Variants in GRIN1 observed in about 807,000 individuals in gnomAD.
GRIN1 encodes glutamate ionotropic receptor NMDA type subunit 1.
A neutral mutation model predicts 103.0 loss-of-function variants in GRIN1; 38 were observed. The ratio of observed to expected loss-of-function variants is 0.37; its 90% CI spans 0.28 to 0.48. The LOEUF is 0.48. Among genes scored for constraint, GRIN1 ranks in the 20% least tolerant of loss-of-function variants. GRIN1 has a pLI of 0.98. For missense variants in GRIN1, 577 were observed against 1,288.9 expected, an observed-to-expected ratio of 0.45 and a Z score of 8.46; for synonymous variants, 544 against 532.7, an observed-to-expected ratio of 1.02 and a Z score of -0.29.
chr9:137,159,454 G>A (rs1833410847), intron 8 of GRIN1, among the ~76,000 whole-genome samples: 1 of 152,178 alleles, frequency 6.6e-6, no homozygotes, highest in East Asian at 1.9e-4. Context: ...TCTCACCCAG[G>A]CTCCCTCCCC....
At chr9:137,164,165 T>C in intron 18 of GRIN1, 1 of 538,912 alleles carries the variant, frequency 1.9e-6, no homozygotes, top group Middle Eastern at 5.1e-4. Flanking sequence ...GGCCCCTCTG[T>C]CTCCAGAGTC....
At chr9:137,151,359 G>A (rs1372858044) in intron 4 of GRIN1, among the ~76,000 whole-genome samples, 1 of 131,280 alleles carries the variant, frequency 7.6e-6, no homozygotes, top group African/African-American at 2.9e-5. Context: ...GCCCCGCCCA[G>A]AAAAAAAGCC....
Position 137,161,917 on chromosome 9 carries a change from C to G in GRIN1, c.1468-7C>G, listed in dbSNP as rs202036974. 1 of 1,554,622 alleles carries G rather than the reference C, an allele frequency of 6.4e-7. No individual in the cohort carries two copies. The highest frequency in any genetic ancestry group is 1.9e-5 in the Admixed American group (1 of 51,734). On this transcript the variant is annotated splice_polypyrimidine_tract_variant and splice_region_variant and intron_variant, in intron 10 of 19. Transcript: ENST00000371561. ...CCTGCATGCCCGCCGGCTCTGTCGCCTCGCAGGTGAACAACAGCAACAAGA... is the reference window on the plus strand; with the variant it reads ...CCTGCATGCCCGCCGGCTCTGTCGCGTCGCAGGTGAACAACAGCAACAAGA...
intron 1 of GRIN1, among the ~76,000 whole-genome samples, chr9:137,140,327 G>A (rs1039240147): frequency 3.9e-5 from 6 of 152,192 alleles, no homozygotes. Flanking sequence ...GTGGCTCCTG[G>A]GATTTTGCCT....
rs780815757 is a variant in GRIN1 at position 137,161,039 on chromosome 9, C to T, written c.1198-17C>T. The T allele has an allele frequency of 1.2e-6, 2 of 1,612,482 alleles. No individual in the cohort carries two copies. Among genetic ancestry groups the T allele is most frequent in the Non-Finnish European group, 1.7e-6 (2 of 1,179,744 alleles). On this transcript the variant is annotated splice_polypyrimidine_tract_variant and intron_variant, in intron 8 of 19. Coordinates refer to ENST00000371561, the MANE Select transcript of GRIN1 (RefSeq NM_007327.4). The stretch of plus-strand genomic sequence containing the variant: ...CTTAGGTCGGTGGTCCAGGCTGGGT[C>T]TCCCCTTCCCCCCCAGATTGTGACG...
chr9:137,144,475 A>G (rs1029448262), intron 2 of GRIN1, among the ~76,000 whole-genome samples: 45 of 151,918 alleles, frequency 3.0e-4, no homozygotes, highest in Admixed American at 4.6e-4. Flanking sequence ...TAATACGGTG[A>G]AACCCCATCT....
At chr9:137,140,036 T>C (rs1588683104) in intron 1 of GRIN1, among the ~76,000 whole-genome samples, 1 of 152,054 alleles carries the variant, frequency 6.6e-6, no homozygotes, top group Non-Finnish European at 1.5e-5. Flanking sequence ...AGTGTGTCAG[T>C]GTGGGGGTGG....
chr9:137,144,525 G>A (rs770871335), intron 2 of GRIN1, among the ~76,000 whole-genome samples: 11 of 152,038 alleles, frequency 7.2e-5, no homozygotes, highest in African/African-American at 2.4e-4. Context: ...CGTGGTGGCG[G>A]GCGCCTGTAG....
intron 1 of GRIN1, among the ~76,000 whole-genome samples, chr9:137,141,639 G>T (rs1465207768): frequency 6.6e-6 from 1 of 152,122 alleles, no homozygotes; most frequent in Non-Finnish European, 1.5e-5. Flanking sequence ...CATCAGGAAG[G>T]ACGGGTGGGT....
In GRIN1 at chr9:137,156,656, G is replaced by A. The variant is rs1564357201; in HGVS notation, c.672-13G>A. On this transcript the variant is annotated splice_polypyrimidine_tract_variant and intron_variant, in intron 4 of 19. Coordinates refer to ENST00000371561, the MANE Select transcript of GRIN1 (RefSeq NM_007327.4). ...GCTGGAGTCCTGGCCCGTCATCCCC[G>A]TCTGCCCCACAGCGAGGACGATGCT... 1 of 1,599,418 alleles carries A rather than the reference G, an allele frequency of 6.3e-7. No homozygotes were observed.
intron 4 of GRIN1, among the ~76,000 whole-genome samples, chr9:137,155,142 A>C (rs1012008926): frequency 6.6e-5 from 10 of 152,238 alleles, no homozygotes; most frequent in African/African-American, 2.4e-4. Flanking sequence ...GTTTTGATGG[A>C]CAGATCAGGC....
chr9:137,150,990 C>T (rs1832848096), intron 4 of GRIN1, among the ~76,000 whole-genome samples: 1 of 147,332 alleles, frequency 6.8e-6, no homozygotes, highest in South Asian at 2.2e-4. Context: ...GAGAAAAGAC[C>T]CGCCCAGGGA....
chr9:137,141,415 G>C (rs1832155147), intron 1 of GRIN1, among the ~76,000 whole-genome samples: 1 of 152,198 alleles, frequency 6.6e-6, no homozygotes, highest in African/African-American at 2.4e-5. Flanking sequence ...CACCCCCAAT[G>C]CCTCCCTTCC....
chr9:137,146,947 G>T lies in GRIN1; in HGVS notation c.570+1045G>T, dbSNP rs148447372. Reference sequence around the variant, plus strand: ...TCGTGGGGGGTCTGCTGAGTCTTGGGGGGGAGGGGCATGGGCACCAAGGGC... The same window carrying T: ...TCGTGGGGGGTCTGCTGAGTCTTGGTGGGGAGGGGCATGGGCACCAAGGGC... On this transcript the variant is annotated intron_variant, in intron 3 of 19. Coordinates refer to ENST00000371561, the MANE Select transcript of GRIN1 (RefSeq NM_007327.4). The surrounding 1 kb of genome is among the most constrained non-coding windows in gnomAD (Gnocchi z 6.7). 0.023 allele frequency among the ~76,000 whole-genome samples: 3,548 copies of T among 151,760 alleles called. 67 individuals are homozygous for T. The highest frequency in any genetic ancestry group is 0.036 in the Non-Finnish European group (2,434 of 67,834).
Position 137,167,370 on chromosome 9 carries a change from G to T in GRIN1, c.2701-41G>T, listed in dbSNP as rs769863409. 11 of 1,489,246 alleles carry T rather than the reference G, an allele frequency of 7.4e-6. No individual in the cohort carries two copies. In the South Asian group the frequency reaches 1.3e-4, roughly 18 times the overall value. The allele number at this position is 1,489,246 out of a possible 1,614,324, so 92.3% of individuals were successfully genotyped here. A position where few individuals can be genotyped will look rare whatever the true frequency, so the allele number is the denominator to read the frequency against. ...CTGAGGGCTGGGGTCCCTGGCGGCC[G>T]GCGGGGCCAGCGGGTATTGATTGTT... is the stretch of plus-strand genomic sequence containing the variant. On this transcript the variant is annotated intron_variant, in intron 19 of 19. Transcript: ENST00000371561.
rs1833091816 is a variant in GRIN1, at chr9:137,154,330, G to A, written c.672-2339G>A. On this transcript the variant is annotated intron_variant, in intron 4 of 19. Transcript: ENST00000371561. ...AGTAGAGACTGGGTTTCGCCATGTT[G>A]GCCAGGCTGGTCTCGAACTCCTGGC... is the stretch of plus-strand genomic sequence containing the variant. 2.0e-5 allele frequency among the ~76,000 whole-genome samples: 3 copies of A among 150,138 alleles called. No homozygotes were observed. In the South Asian group the frequency reaches 6.3e-4, roughly 31 times the overall value.
chr9:137,145,908 G>A lies in GRIN1; in HGVS notation c.570+6G>A, dbSNP rs2131217858. 1.9e-6 allele frequency: 3 copies of A among 1,591,790 alleles called. No homozygotes were observed. Among genetic ancestry groups the A allele is most frequent in the East Asian group, 2.3e-5 (1 of 43,818 alleles). On this transcript the variant is annotated splice_donor_region_variant and intron_variant, in intron 3 of 19. Transcript: ENST00000371561. ...TGGAGGAGCGTGAGTCCAAGGTGAGGGTCGGCGCCGCGGGTGGGCGCCTGG... is the reference window on the plus strand; with the variant it reads ...TGGAGGAGCGTGAGTCCAAGGTGAGAGTCGGCGCCGCGGGTGGGCGCCTGG...
At chr9:137,154,563 C>T (rs1027171884) in intron 4 of GRIN1, among the ~76,000 whole-genome samples, 1 of 150,168 alleles carries the variant, frequency 6.7e-6, no homozygotes, top group Non-Finnish European at 1.5e-5. Flanking sequence ...AACCGATTCT[C>T]CTGCCACGGC....
At position 137,159,143 on chromosome 9, in the gene GRIN1, C is replaced by G. The variant is rs373744678; in HGVS notation, c.1197+439C>G. Among the ~76,000 whole-genome samples the G allele has an allele frequency of 8.5e-5, 13 of 152,292 alleles. No individual in the cohort carries two copies. In the East Asian group the frequency reaches 1.2e-3, roughly 14 times the overall value. ...GTCCTCTTCCACCGTGTGGGACAGC[C>G]CTTCCTGACTCCCCTGGGCCTCTGA... On this transcript the variant is annotated intron_variant, in intron 8 of 19. Transcript: ENST00000371561.
Sources: allele counts gnomAD v4.1 joint callset (sites outside exome capture counted in the v4.1 genomes callset), GRCh38; gene constraint gnomAD v4.1.1; non-coding constraint Gnocchi (gnomAD v3.1); transcripts MANE v1.5; gene names NCBI Gene and HGNC (gene_info 2026-07-23, HGNC 2026-07-21).